PDE10A: variants seen among roughly 807,000 people sequenced by gnomAD.
PDE10A encodes cAMP and cAMP-inhibited cGMP 3',5'-cyclic phosphodiesterase 10A.
In PDE10A, 39 loss-of-function variants were observed where a neutral mutation model predicts 97.7. The ratio of observed to expected loss-of-function variants is 0.40; its 90% CI spans 0.31 to 0.52. PDE10A has a LOEUF of 0.52. PDE10A is among the 20% of genes least tolerant of loss of function. The pLI, the probability that PDE10A is intolerant of heterozygous loss-of-function variation, is 0.56. For synonymous variants in PDE10A, 371 were observed against 376.8 expected, an observed-to-expected ratio of 0.98 and a Z score of 0.18; for missense variants, 731 against 1,047.8, an observed-to-expected ratio of 0.70 and a Z score of 4.17.
At chr6:165,787,539 A>G (rs1778529437) in intron 1 of PDE10A, among the ~76,000 whole-genome samples, 1 of 152,210 alleles carries the variant, frequency 6.6e-6, no homozygotes, top group African/African-American at 2.4e-5. Context: ...AAGTCCCCCA[A>G]ATAAGAGACA....
intron 1 of PDE10A, among the ~76,000 whole-genome samples, chr6:165,632,184 G>A: frequency 7.3e-6 from 1 of 136,222 alleles, no homozygotes; most frequent in African/African-American, 2.9e-5. Context: ...TGAGTGATAA[G>A]AGGGAGAGTC....
rs538774859 is a variant in PDE10A at position 165,711,024 on chromosome 6, G to A, written c.-614-167456C>T. 2.0e-5 allele frequency among the ~76,000 whole-genome samples: 3 copies of A among 152,278 alleles called. No individual in the cohort carries two copies. The South Asian group carries it at 6.2e-4, about 32-fold the overall frequency. On this transcript the variant is annotated intron_variant, in intron 1 of 19. Coordinates refer to the PDE10A transcript ENST00000366882. This position sits in a 1 kb window ranked among gnomAD's most constrained non-coding sequence, Gnocchi z 4.5. ...AGAGCGGGTTTCCTTTTTACCTGGC[G>A]CACTGCAGGGGTCCAGGGTGCCTTC...
At chr6:165,488,029 C>CAAAAAAAAAA (rs58319021) in intron 2 of PDE10A, among the ~76,000 whole-genome samples, 1 of 83,408 alleles carries the variant, frequency 1.2e-5, no homozygotes, top group African/African-American at 3.9e-5. Context: ...AACAAATTGG[C>CAAAAAAAAAA]AAAAAAAAAA....
chr6:165,452,773 A>G (rs1029409822), intron 3 of PDE10A, among the ~76,000 whole-genome samples: 2 of 152,202 alleles, frequency 1.3e-5, no homozygotes, highest in Non-Finnish European at 2.9e-5. Context: ...AATAACAAAT[A>G]TCTAAAAATG....
At chr6:165,723,765 C>T (rs184739057) in intron 1 of PDE10A, among the ~76,000 whole-genome samples, 25 of 152,184 alleles carry the variant, frequency 1.6e-4, no homozygotes, top group Admixed American at 5.2e-4. Context: ...AATTCTGTTT[C>T]GGACTAGTTG....
intron 1 of PDE10A, among the ~76,000 whole-genome samples, chr6:165,789,153 CAAG>C (rs1778580716): frequency 1.3e-5 from 2 of 152,270 alleles, no homozygotes; most frequent in Non-Finnish European, 2.9e-5. Context: ...GAGGCAGTGC[CAAG>C]TACCACATCA....
chr6:165,372,601 A>G (rs1307420830), intron 18 of PDE10A, among the ~76,000 whole-genome samples: 2 of 151,276 alleles, frequency 1.3e-5, no homozygotes, highest in African/African-American at 4.9e-5. Flanking sequence ...ATGGAAGAAC[A>G]TTCCATGCTC....
At chr6:165,821,639 C>T (rs2128469245) in intron 1 of PDE10A, among the ~76,000 whole-genome samples, 1 of 152,252 alleles carries the variant, frequency 6.6e-6, no homozygotes, top group East Asian at 1.9e-4. Flanking sequence ...CTGTCTCAGC[C>T]TCCCGAGTAG....
At chr6:165,837,838 AC>A (rs1203827946) in intron 1 of PDE10A, among the ~76,000 whole-genome samples, 2 of 151,890 alleles carry the variant, frequency 1.3e-5, no homozygotes, top group African/African-American at 4.8e-5. Flanking sequence ...GGCGCCCGCC[AC>A]CACACCCGGC....
chr6:165,981,429 G>A (rs1050850018), intron 1 of PDE10A, among the ~76,000 whole-genome samples: 1 of 152,176 alleles, frequency 6.6e-6, no homozygotes, highest in Non-Finnish European at 1.5e-5. Flanking sequence ...GGACCACCAA[G>A]GCCATCTAAT....
intron 1 of PDE10A, chr6:165,754,326 A>G (rs888590296): frequency 2.6e-5 from 4 of 152,160 alleles, no homozygotes; most frequent in African/African-American, 9.7e-5. Context: ...AGATTTGGAA[A>G]CATCTTCCCA....
chr6:165,395,107 A>T (rs1786055223), intron 15 of PDE10A, 74 bp downstream of exon 15: 1 of 808,080 alleles, frequency 1.2e-6, no homozygotes, highest in Non-Finnish European at 2.1e-6. Context: ...GATCGTGGTG[A>T]GGCATATATG....
At chr6:165,831,560 C>T (rs1166621924) in intron 1 of PDE10A, among the ~76,000 whole-genome samples, 1 of 147,684 alleles carries the variant, frequency 6.8e-6, no homozygotes, top group Non-Finnish European at 1.5e-5. Flanking sequence ...TCACTGCAAG[C>T]TCTGCCTCCC....
chr6:165,585,885 T>C (rs1785882221), intron 1 of PDE10A, among the ~76,000 whole-genome samples: 1 of 152,136 alleles, frequency 6.6e-6, no homozygotes, highest in African/African-American at 2.4e-5. Context: ...AGCAGTCGCA[T>C]CCAACATCCC....
At chr6:165,650,114 T>C (rs1425241889) in intron 1 of PDE10A, among the ~76,000 whole-genome samples, 1 of 152,074 alleles carries the variant, frequency 6.6e-6, no homozygotes, top group Non-Finnish European at 1.5e-5. Context: ...ATCGATCAAA[T>C]TTTAGGGGCT....
chr6:165,771,578 AC>A (rs34692224), intron 1 of PDE10A, among the ~76,000 whole-genome samples: 23,441 of 150,618 alleles, frequency 0.16, 2,495 homozygotes, highest in East Asian at 0.45. Flanking sequence ...AATAAATAAC[AC>A]ATTTGCAAAA....
In PDE10A at chr6:165,796,094, T is replaced by TC. The variant is rs1554323471; in HGVS notation, c.-615+191434_-615+191435insG. ...CGTCTTTTCTTTTTTTTCTTTTCTT[T>TC]TTTTTTTTTTTTTTTTTTTGAGACG... is the stretch of plus-strand genomic sequence containing the variant. On this transcript the variant is annotated intron_variant, in intron 1 of 19. Transcript: ENST00000366882. Among the ~76,000 whole-genome samples, 4 of 85,828 alleles carry TC rather than the reference T, an allele frequency of 4.7e-5. No individual in the cohort carries two copies. In the East Asian group the frequency reaches 1.3e-3, roughly 29 times the overall value. 56.3% of individuals were successfully genotyped at this position (85,828 alleles called of 152,430 possible).
intron 2 of PDE10A, among the ~76,000 whole-genome samples, chr6:165,497,286 A>C (rs1273037563): frequency 6.6e-6 from 1 of 152,188 alleles, no homozygotes; most frequent in East Asian, 1.9e-4. Flanking sequence ...CCATCCCATC[A>C]CCATCAGTGA....
At chr6:165,623,513 A>G (rs1278924948) in intron 1 of PDE10A, among the ~76,000 whole-genome samples, 1 of 152,078 alleles carries the variant, frequency 6.6e-6, no homozygotes, top group East Asian at 1.9e-4. Context: ...AGAGAGAAAA[A>G]AAACAGATAA....
Sources: allele counts gnomAD v4.1 joint callset (sites outside exome capture counted in the v4.1 genomes callset), GRCh38; gene constraint gnomAD v4.1.1; non-coding constraint Gnocchi (gnomAD v3.1); transcripts MANE v1.5; gene names NCBI Gene and HGNC (gene_info 2026-07-23, HGNC 2026-07-21).